Variants in MYO7B observed in about 807,000 individuals in gnomAD.
MYO7B encodes the protein unconventional myosin-VIIb.
MYO7B carries 212 observed loss-of-function variants against 259.7 expected under a neutral mutation model. That is an observed-to-expected ratio of 0.82 (90% confidence interval 0.73 to 0.91). The LOEUF (loss-of-function observed/expected upper bound fraction) is 0.91, where lower values mean the gene tolerates loss of function less well. Ranked by LOEUF, MYO7B falls within the 40% of genes least tolerant of loss-of-function variation. The pLI is 0.00. For missense variants in MYO7B, 2,732 were observed against 2,813.5 expected, an observed-to-expected ratio of 0.97 and a Z score of 0.66; for synonymous variants, 1,197 against 1,166.4, an observed-to-expected ratio of 1.03 and a Z score of -0.54.
Position 127,584,257 on chromosome 2 carries a change from G to A in MYO7B, c.1479G>A (p.Arg493=), listed in dbSNP as rs1679217847. 6.2e-7 allele frequency: 1 copy of A among 1,613,970 alleles called. No homozygotes were observed. Among genetic ancestry groups the A allele is most frequent in the Admixed American group, 1.7e-5 (1 of 60,016 alleles). ...SWDYIHYTDN[R]PTLDLLALKP... ...ACTATATCCACTACACCGACAATCG[G>A]CCCACCCTGGACCTGCTGGCCCTCA... is the stretch of plus-strand genomic sequence containing the variant. The change falls in exon 13 of 48, where the codon CGG becomes CGA. Residue 493 remains arginine (R), a synonymous_variant. Transcript: ENST00000409816. The surrounding 1 kb of genome is among the most constrained non-coding windows in gnomAD (Gnocchi z 5.8).
chr2:127,572,803 A>T (rs1678701371), intron 6 of MYO7B, among the ~76,000 whole-genome samples: 1 of 152,036 alleles, frequency 6.6e-6, no homozygotes. Context: ...CACTGTCTTG[A>T]TTTCTATAGG....
intron 12 of MYO7B, among the ~76,000 whole-genome samples, chr2:127,583,624 C>G (rs1327603461): frequency 6.6e-6 from 1 of 152,188 alleles, no homozygotes; most frequent in African/African-American, 2.4e-5. Context: ...GGCCATTTCC[C>G]AAGGCAGGGA....
At chr2:127,537,986 A>T (rs1017423836) in intron 1 of MYO7B, among the ~76,000 whole-genome samples, 3 of 152,212 alleles carry the variant, frequency 2.0e-5, no homozygotes, top group Non-Finnish European at 4.4e-5. Flanking sequence ...GTGTTCCTTC[A>T]CTGCCAGCTG....
rs548077267 is a variant in MYO7B, at chr2:127,584,678, G to C, written c.1555-100G>C. 3.5e-6 allele frequency: 5 copies of C among 1,417,578 alleles called. No homozygotes were observed. Among genetic ancestry groups the C allele is most frequent in the African/African-American group, 1.4e-5 (1 of 70,156 alleles). The allele number at this position is 1,417,578 out of a possible 1,614,324, so 87.8% of individuals were successfully genotyped here. The stretch of plus-strand genomic sequence containing the variant: ...CTGTACAAAGGCCCTCAATCATTCT[G>C]AGCCCAGATCTCTTTGCCTCCATGA... On this transcript the variant is annotated intron_variant, in intron 13 of 47. Coordinates refer to ENST00000409816, the MANE Select transcript of MYO7B (RefSeq NM_001393586.1). This position sits in a 1 kb window ranked among gnomAD's most constrained non-coding sequence, Gnocchi z 5.8.
Position 127,637,499 on chromosome 2 carries a change from G to A in MYO7B, c.*82G>A. ...CCTTCCCAGGCCCTCTCAACCCAGG[G>A]CCTGTCCTTGGCGGGCAGCCTTCCA... On this transcript the variant is annotated 3_prime_UTR_variant, in exon 48 of 48. Transcript: ENST00000409816. 9.1e-7 allele frequency: 1 copy of A among 1,096,986 alleles called. No homozygotes were observed. Among genetic ancestry groups the A allele is most frequent in the Non-Finnish European group, 1.3e-6 (1 of 785,526 alleles). 68.0% of individuals were successfully genotyped at this position (1,096,986 alleles called of 1,614,324 possible). A position where few individuals can be genotyped will look rare whatever the true frequency, so the allele number is the denominator to read the frequency against.
Position 127,609,867 on chromosome 2 carries a change from A to G in MYO7B, c.3043A>G (p.Asn1015Asp). Residue 1015 changes from asparagine (N) to aspartate (D), a missense_variant, in exon 24 of 48, where the codon AAC becomes GAC. Physicochemically the swap from Asn to Asp is conservative, Grantham distance 23 (BLOSUM62 1). Transcript: ENST00000409816. This position sits in a 1 kb window ranked among gnomAD's most constrained non-coding sequence, Gnocchi z 6.9. ...TCCCCAGGCCGCCCTGGTCATATGG[A>G]ACGTCATCCTGAGGTTCATGGGTGA... ...TDCLAALVIW[N>D]VILRFMGDLP... The G allele has an allele frequency of 3.7e-6, 6 of 1,613,000 alleles. No homozygotes were observed. The African/African-American group carries it at 5.3e-5, about 14-fold the overall frequency.
chr2:127,593,501 G>A, intron 17 of MYO7B, 45 bp from the exon 18 acceptor site: 1 of 1,580,276 alleles, frequency 6.3e-7, no homozygotes, highest in Non-Finnish European at 8.7e-7. Flanking sequence ...CCGCCGAGGG[G>A]TCTCTGCCCC....
At position 127,637,454 on chromosome 2, in the gene MYO7B, C is replaced by T. The variant is rs534238924; in HGVS notation, c.*37C>T. On this transcript the variant is annotated 3_prime_UTR_variant, in exon 48 of 48. Coordinates refer to ENST00000409816, the MANE Select transcript of MYO7B (RefSeq NM_001393586.1). ...GGCGTGTCTGCTCAGGCGCCCTTCC[C>T]GACCTCTAGCCTGGCGGCACCTTCC... The T allele has an allele frequency of 1.1e-4, 163 of 1,434,028 alleles. No homozygotes were observed. Among genetic ancestry groups the T allele is most frequent in the Middle Eastern group, 1.1e-3 (6 of 5,472 alleles). The allele number at this position is 1,434,028 out of a possible 1,614,324, so 88.8% of individuals were successfully genotyped here.
intron 12 of MYO7B, 143 bp from the exon 13 acceptor site, chr2:127,583,979 C>T (rs1438279860): frequency 7.1e-6 from 5 of 708,784 alleles, no homozygotes; most frequent in Non-Finnish European, 1.2e-5. Context: ...GAGTGTGCAT[C>T]TCTGTGTACA....
At chr2:127,589,225 G>A (rs1353540873) in intron 15 of MYO7B, among the ~76,000 whole-genome samples, 2 of 141,408 alleles carry the variant, frequency 1.4e-5, no homozygotes, top group African/African-American at 5.3e-5. Flanking sequence ...GTGGGTGGAT[G>A]GATAGATGGA....
chr2:127,558,903 G>T (rs151103614), intron 1 of MYO7B, among the ~76,000 whole-genome samples: 1 of 152,170 alleles, frequency 6.6e-6, no homozygotes, highest in Admixed American at 6.5e-5. Flanking sequence ...AGGGAGGGAA[G>T]GGGGTGAGGA....
intron 7 of MYO7B, 103 bp downstream of exon 7, chr2:127,574,165 C>A (rs893789698): frequency 1.1e-5 from 16 of 1,452,570 alleles, no homozygotes; most frequent in Non-Finnish European, 1.5e-5. Context: ...TCCCCAAGGG[C>A]CCTCCCAGAA....
chr2:127,554,826 AG>A (rs1693578647), intron 1 of MYO7B, among the ~76,000 whole-genome samples: 2 of 152,142 alleles, frequency 1.3e-5, no homozygotes, highest in African/African-American at 4.8e-5. Flanking sequence ...GTATTTTTCC[AG>A]GAATTCATCC....
chr2:127,550,692 T>C (rs1693413215), intron 1 of MYO7B, among the ~76,000 whole-genome samples: 2 of 151,792 alleles, frequency 1.3e-5, no homozygotes, highest in South Asian at 4.2e-4. Flanking sequence ...GAGGCAGTGT[T>C]ATGGGGTGGC....
At chr2:127,564,803 G>T (rs1260531408) in intron 3 of MYO7B, among the ~76,000 whole-genome samples, 1 of 152,236 alleles carries the variant, frequency 6.6e-6, no homozygotes, top group Non-Finnish European at 1.5e-5. Flanking sequence ...AGTTCCAGAT[G>T]ATGGAAGTCA....
intron 2 of MYO7B, among the ~76,000 whole-genome samples, 198 bp from the exon 3 acceptor site, chr2:127,563,955 G>A (rs1436350330): frequency 6.6e-6 from 1 of 152,212 alleles, no homozygotes; most frequent in Non-Finnish European, 1.5e-5. Flanking sequence ...ATGGAGAGAA[G>A]CTGTACAGGC....
In MYO7B at chr2:127,631,675, C is replaced by T. The variant is rs764395741; in HGVS notation, c.5171C>T (p.Thr1724Ile). ...CTGGAGCTCACCGACCAGATCTTCA[C>T]ACTGGCCCTGCAGCACCCGGCCCTC... Reference protein sequence around the residue: ...PTLELTDQIFTLALQHPALQD... With the variant: ...PTLELTDQIFILALQHPALQD... The change falls in exon 38 of 48, where the codon ACA becomes ATA. Residue 1724 changes from threonine (T) to isoleucine (I), a missense_variant. Thr to Ile is a moderately conservative substitution (Grantham distance 89). Transcript: ENST00000409816. The T allele has an allele frequency of 5.0e-6, 8 of 1,613,084 alleles. No individual in the cohort carries two copies. Among genetic ancestry groups the T allele is most frequent in the Non-Finnish European group, 6.8e-6 (8 of 1,179,870 alleles).
In MYO7B at chr2:127,636,601, G is replaced by A. The variant is rs760809902; in HGVS notation, c.6180G>A (p.Gly2060=). 1 of 1,612,784 alleles carries A rather than the reference G, an allele frequency of 6.2e-7. No individual in the cohort carries two copies. Among genetic ancestry groups the A allele is most frequent in the South Asian group, 1.1e-5 (1 of 90,836 alleles). Residue 2060 remains glycine, a synonymous_variant, in exon 46 of 48, where the codon GGG becomes GGA. Coordinates refer to ENST00000409816, the MANE Select transcript of MYO7B (RefSeq NM_001393586.1). This position sits in a 1 kb window ranked among gnomAD's most constrained non-coding sequence, Gnocchi z 4.5. Reference sequence around the variant, plus strand: ...TCCTCATCGCCATCAACCGACATGGGGTTCTGCTCATCCACCCCAAGACCA... The same window carrying A: ...TCCTCATCGCCATCAACCGACATGGAGTTCTGCTCATCCACCCCAAGACCA... ...DVILIAINRH[G]VLLIHPKTKD...
At chr2:127,565,083 A>C (rs939134987) in intron 3 of MYO7B, 150 bp from the exon 4 acceptor site, 5 of 955,864 alleles carry the variant, frequency 5.2e-6, no homozygotes, top group African/African-American at 3.3e-5. Context: ...TCATAGACTG[A>C]CCCTGGCCGG....
Sources: gnomAD v4.1 joint callset for allele counts (sites outside exome capture counted in the v4.1 genomes callset) on GRCh38, gnomAD v4.1.1 for gene constraint, Gnocchi (gnomAD v3.1) non-coding constraint, MANE v1.5 for transcripts, NCBI Gene and HGNC (gene_info 2026-07-23, HGNC 2026-07-21) for gene names.